The following CCNJL variants were observed in gnomAD, a reference collection of about 807,000 sequenced individuals.
CCNJL encodes cyclin J like.
Under a neutral mutation model 33.4 loss-of-function variants are expected in CCNJL, and 33 were observed. The ratio of observed to expected loss-of-function variants is 0.99; its 90% CI spans 0.75 to 1.32. The LOEUF is 1.32. Among genes scored for constraint, CCNJL ranks in the 40% most tolerant of loss-of-function variants. The probability of loss-of-function intolerance (pLI) is 0.00; values close to 1 mark genes in which losing one functional copy is unlikely to be tolerated. For synonymous variants in CCNJL, 227 were observed against 220.9 expected, an observed-to-expected ratio of 1.03 and a Z score of -0.24; for missense variants, 512 against 499.7, an observed-to-expected ratio of 1.02 and a Z score of -0.23.
intron 2 of CCNJL, among the ~76,000 whole-genome samples, chr5:160,299,048 G>A (rs914709282): frequency 2.0e-5 from 3 of 151,928 alleles, no homozygotes; most frequent in South Asian, 2.1e-4. Context: ...GCATAAACAC[G>A]GCTCACTGCA....
chr5:160,253,414 C>T lies in CCNJL; in HGVS notation c.1128G>A (p.Gly376=), dbSNP rs900805034. ...ATTYGSSYFS[G]SHMFPTGCFD... is the part of the protein sequence containing the mutation. The stretch of plus-strand genomic sequence containing the variant: ...AGCAGCCGGTGGGGAACATGTGGCT[C>T]CCACTGAAGTAGCTGCTTCCATAGG... The change falls in exon 6 of 6, where the codon GGG becomes GGA. Residue 376 remains glycine (G), a synonymous_variant. Transcript: ENST00000257536. The T allele has an allele frequency of 1.6e-5, 25 of 1,598,956 alleles. No individual in the cohort carries two copies. Among genetic ancestry groups the T allele is most frequent in the Middle Eastern group, 3.3e-4 (2 of 6,008 alleles).
At chr5:160,261,556 G>T (rs930857741) in intron 3 of CCNJL, among the ~76,000 whole-genome samples, 4 of 152,170 alleles carry the variant, frequency 2.6e-5, no homozygotes, top group Non-Finnish European at 4.4e-5. Context: ...AGAGCCTCCT[G>T]CATGGCTGGA....
chr5:160,314,986 T>C (rs565700491), upstream of CCNJL, among the ~76,000 whole-genome samples: 2 of 152,316 alleles, frequency 1.3e-5, no homozygotes, highest in African/African-American at 4.8e-5. Flanking sequence ...TATTATTTGA[T>C]CCAACTCTTC....
intron 2 of CCNJL, among the ~76,000 whole-genome samples, chr5:160,284,967 G>A (rs929823953): frequency 1.3e-5 from 2 of 151,654 alleles, no homozygotes; most frequent in East Asian, 1.9e-4. Context: ...GCTCACACCC[G>A]TAATCTCAGC....
chr5:160,254,577 G>A (rs142493094), intron 5 of CCNJL: 62 of 389,638 alleles, frequency 1.6e-4, no homozygotes, highest in African/African-American at 1.1e-3. Flanking sequence ...AGGGGTCTAA[G>A]GGCTTCCGCT....
intron 3 of CCNJL, among the ~76,000 whole-genome samples, chr5:160,272,490 G>A (rs551790340): frequency 2.6e-5 from 4 of 152,328 alleles, no homozygotes; most frequent in African/African-American, 9.6e-5. Flanking sequence ...ATAGGGAAAG[G>A]CAGAAATGCA....
In CCNJL at chr5:160,311,853, C is replaced by T; in HGVS notation, c.66+5G>A. On this transcript the variant is annotated splice_donor_5th_base_variant and intron_variant, in intron 2 of 5. Coordinates refer to ENST00000257536, the MANE Select transcript of CCNJL (RefSeq NM_001308173.3). ...TGAGAGTGACAAGGGCAGGGAGGGA[C>T]TGACCTTCTCGCGCAGGGTGCAGTG... 1.2e-6 allele frequency: 2 copies of T among 1,613,680 alleles called. No homozygotes were observed. The highest frequency in any genetic ancestry group is 2.7e-5 in the African/African-American group (2 of 75,052).
intron 1 of CCNJL, among the ~76,000 whole-genome samples, chr5:160,319,010 T>G (rs942897667): frequency 6.6e-6 from 1 of 152,228 alleles, no homozygotes; most frequent in Non-Finnish European, 1.5e-5. Context: ...GAGAGAGGGC[T>G]CCGTAAACTG....
chr5:160,315,455 C>G (rs1280875210), upstream of CCNJL: 1 of 448,192 alleles, frequency 2.2e-6, no homozygotes, highest in Admixed American at 2.4e-5. Context: ...AGCAGTGAGC[C>G]GTGATTGTGC....
intron 2 of CCNJL, among the ~76,000 whole-genome samples, chr5:160,297,969 T>C (rs572432689): frequency 1.4e-3 from 206 of 152,302 alleles, no homozygotes; most frequent in Middle Eastern, 3.4e-3. Flanking sequence ...GTGTCAGCTC[T>C]GCTTGAGGGG....
chr5:160,307,840 G>A (rs1220685204), intron 2 of CCNJL, among the ~76,000 whole-genome samples: 3 of 152,124 alleles, frequency 2.0e-5, no homozygotes, highest in Non-Finnish European at 4.4e-5. Context: ...GCTGAGCATG[G>A]GATAAAGGTG....
chr5:160,321,920 C>G (rs1395580291), intron 1 of CCNJL, among the ~76,000 whole-genome samples: 1 of 152,166 alleles, frequency 6.6e-6, no homozygotes, highest in African/African-American at 2.4e-5. Context: ...CCCCTACCAG[C>G]AGGTAACCAC....
Position 160,327,072 on chromosome 5 carries a change from C to A in CCNJL, n.207-11567G>T, listed in dbSNP as rs576156142. 34 of 336,130 alleles carry A rather than the reference C, an allele frequency of 1.0e-4. No homozygotes were observed. The Admixed American group carries it at 1.1e-3, about 11-fold the overall frequency. 20.8% of individuals were successfully genotyped at this position (336,130 alleles called of 1,614,324 possible). On this transcript the variant is annotated intron_variant and non_coding_transcript_variant, in intron 1 of 7. Coordinates refer to the CCNJL transcript ENST00000377503. ...ATTTATTCGTATTGTTTTGATTACCCTTATGTTATTACAAGATGGCAATAA... is the reference window on the plus strand; with the variant it reads ...ATTTATTCGTATTGTTTTGATTACCATTATGTTATTACAAGATGGCAATAA...
rs751379130 is a variant in CCNJL at position 160,253,347 on chromosome 5, C to T, written c.*31G>A. 11 of 1,542,398 alleles carry T rather than the reference C, an allele frequency of 7.1e-6. No individual in the cohort carries two copies. The highest frequency in any genetic ancestry group is 2.7e-5 in the African/African-American group (2 of 73,348). ...GTGTCCTCTTCCTCTGCCCACATCT[C>T]CAAGGCTTCCTCGTGAGGTCTGGAG... is the stretch of plus-strand genomic sequence containing the variant. On this transcript the variant is annotated 3_prime_UTR_variant, in exon 6 of 6. Transcript: ENST00000257536.
At chr5:160,329,638 T>C (rs1009328148) in intron 1 of CCNJL, among the ~76,000 whole-genome samples, 4 of 152,100 alleles carry the variant, frequency 2.6e-5, no homozygotes, top group African/African-American at 7.2e-5. Context: ...TGTGAGCCAC[T>C]ACGCCCGGCC....
At chr5:160,303,499 C>T (rs1451493937) in intron 2 of CCNJL, among the ~76,000 whole-genome samples, 1 of 150,582 alleles carries the variant, frequency 6.6e-6, no homozygotes, top group Non-Finnish European at 1.5e-5. Flanking sequence ...AGCCACTGCA[C>T]TCGGCCGGTA....
At chr5:160,286,410 G>T (rs1038834232) in intron 2 of CCNJL, among the ~76,000 whole-genome samples, 2 of 152,178 alleles carry the variant, frequency 1.3e-5, no homozygotes, top group African/African-American at 4.8e-5. Flanking sequence ...GGCCAAGGTG[G>T]GCGGATCGCT....
Position 160,253,407 on chromosome 5 carries a change from T to C in CCNJL, c.1135A>G (p.Met379Val), listed in dbSNP as rs772768116. The C allele has an allele frequency of 2.5e-6, 4 of 1,595,394 alleles. No individual in the cohort carries two copies. Among genetic ancestry groups the C allele is most frequent in the Admixed American group, 1.7e-5 (1 of 59,196 alleles). The change falls in exon 6 of 6, where the codon ATG becomes GTG. Residue 379 changes from methionine to valine, a missense_variant. Met to Val is a conservative substitution (Grantham distance 21, BLOSUM62 1). Coordinates refer to ENST00000257536, the MANE Select transcript of CCNJL (RefSeq NM_001308173.3). ...CTGTCAAAGCAGCCGGTGGGGAACA[T>C]GTGGCTCCCACTGAAGTAGCTGCTT... ...YGSSYFSGSH[M>V]FPTGCFDR
At chr5:160,282,985 A>ATG (rs1461602895) in intron 2 of CCNJL, among the ~76,000 whole-genome samples, 5 of 55,444 alleles carry the variant, frequency 9.0e-5, no homozygotes, top group Non-Finnish European at 1.6e-4. Flanking sequence ...ATATATATAT[A>ATG]TATATATATA....
Sources: gnomAD v4.1 joint callset for allele counts (sites outside exome capture counted in the v4.1 genomes callset) on GRCh38, gnomAD v4.1.1 for gene constraint, MANE v1.5 for transcripts, NCBI Gene and HGNC (gene_info 2026-07-23, HGNC 2026-07-21) for gene names.